The following LIPC variants were observed in gnomAD, a reference collection of about 807,000 sequenced individuals.
LIPC encodes the protein lipase C, hepatic type, also known as hepatic triacylglycerol lipase.
Under a neutral mutation model 50.7 loss-of-function variants are expected in LIPC, and 44 were observed. The ratio of observed to expected loss-of-function variants is 0.87; its 90% confidence interval spans 0.68 to 1.11. The LOEUF (loss-of-function observed/expected upper bound fraction) is 1.11, where lower values mean the gene tolerates loss of function less well. Ranked by LOEUF, LIPC falls within the 50% of genes most tolerant of loss-of-function variation. The pLI is 0.00. For missense variants in LIPC, 697 were observed against 648.2 expected, an observed-to-expected ratio of 1.08 and a Z score of -0.82; for synonymous variants, 271 against 256.4, an observed-to-expected ratio of 1.06 and a Z score of -0.54.
intron 6 of LIPC, among the ~76,000 whole-genome samples, chr15:58,553,260 C>T (rs1402356128): frequency 6.6e-6 from 1 of 152,174 alleles, no homozygotes; most frequent in Non-Finnish European, 1.5e-5. Context: ...CACACACTCC[C>T]CCATCTCCAC....
intron 1 of LIPC, among the ~76,000 whole-genome samples, chr15:58,449,124 G>C (rs547139025): frequency 2.6e-5 from 4 of 152,290 alleles, no homozygotes; most frequent in African/African-American, 9.6e-5. Context: ...TGCTGGGGAG[G>C]CTCCAAGGGC....
chr15:58,469,619 G>A (rs1304823929), intron 1 of LIPC, among the ~76,000 whole-genome samples: 14 of 142,030 alleles, frequency 9.9e-5, no homozygotes, highest in African/African-American at 3.4e-4. Context: ...CAGGCAGATA[G>A]ACAGGTAAGA....
At chr15:58,459,074 G>A (rs1894240003) in intron 1 of LIPC, among the ~76,000 whole-genome samples, 1 of 152,212 alleles carries the variant, frequency 6.6e-6, no homozygotes, top group Non-Finnish European at 1.5e-5. Context: ...CCAAGAGGGA[G>A]AGATGGTAGT....
intron 8 of LIPC, chr15:58,565,203 A>G: frequency 2.0e-6 from 3 of 1,535,694 alleles, no homozygotes; most frequent in Non-Finnish European, 2.6e-6. Context: ...TCAATCTGGG[A>G]AGATTAAACT....
chr15:58,440,341 C>A (rs1246410096), intron 1 of LIPC, among the ~76,000 whole-genome samples: 1 of 152,196 alleles, frequency 6.6e-6, no homozygotes, highest in African/African-American at 2.4e-5. Flanking sequence ...TTGACTAGGA[C>A]TGACCTTTCC....
chr15:58,481,189 G>C (rs1179802088), intron 1 of LIPC, among the ~76,000 whole-genome samples: 3 of 152,166 alleles, frequency 2.0e-5, no homozygotes, highest in Admixed American at 2.0e-4. Context: ...CATTTGTAAG[G>C]AAACTGATAT....
At chr15:58,519,958 G>C (rs1192183205) in intron 1 of LIPC, among the ~76,000 whole-genome samples, 4 of 152,002 alleles carry the variant, frequency 2.6e-5, no homozygotes, top group Non-Finnish European at 5.9e-5. Flanking sequence ...CTTCTCTTTT[G>C]AAACTGGCCG....
chr15:58,458,693 CCT>C (rs1335013417), intron 1 of LIPC, among the ~76,000 whole-genome samples: 1 of 152,140 alleles, frequency 6.6e-6, no homozygotes, highest in Non-Finnish European at 1.5e-5. Context: ...CAAAGAACTC[CCT>C]GTTTCTCAGC....
chr15:58,510,674 C>T (rs1892300584), intron 1 of LIPC, among the ~76,000 whole-genome samples: 2 of 152,190 alleles, frequency 1.3e-5, no homozygotes, highest in Non-Finnish European at 2.9e-5. Context: ...GGCACTGTGA[C>T]CAATTCACAT....
intron 2 of LIPC, among the ~76,000 whole-genome samples, chr15:58,540,973 G>A (rs1893298193): frequency 6.6e-6 from 1 of 151,924 alleles, no homozygotes; most frequent in Admixed American, 6.6e-5. Flanking sequence ...GCTAACTTTT[G>A]TATTTTTTGT....
chr15:58,558,071 CT>C lies in LIPC; in HGVS notation c.1052-2780del, dbSNP rs56254789. ...CAGGACTTGCGCCTATAGCTCTTTT[CT>C]TTTTTTTTTTTTCTTTTTTGAGACA... On this transcript the variant is annotated intron_variant, in intron 6 of 8. Coordinates refer to ENST00000299022, the MANE Select transcript of LIPC (RefSeq NM_000236.3). Among the ~76,000 whole-genome samples the C allele has an allele frequency of 4.5e-4, 66 of 147,722 alleles. No individual in the cohort carries two copies. In the Middle Eastern group the frequency reaches 0.01, roughly 23 times the overall value.
Position 58,469,433 on chromosome 15 carries a change from T to C in LIPC, c.88+37313T>C, listed in dbSNP as rs778615225. ...AAAGGAAGAAAATCAGCTTTTCTCC[T>C]CTTCCTCAGTGTGGGAGAGGGGATT... On this transcript the variant is annotated intron_variant, in intron 1 of 8. Transcript: ENST00000299022. 3.9e-5 allele frequency among the ~76,000 whole-genome samples: 6 copies of C among 152,218 alleles called. No homozygotes were observed. The South Asian group carries it at 6.2e-4, about 16-fold the overall frequency.
At chr15:58,466,518 T>G (rs1894570428) in intron 1 of LIPC, among the ~76,000 whole-genome samples, 5 of 152,238 alleles carry the variant, frequency 3.3e-5, no homozygotes. Flanking sequence ...TTCTTTATTC[T>G]AAGGATGTAT....
chr15:58,456,347 T>C (rs1894113471), intron 1 of LIPC: 1 of 152,260 alleles, frequency 6.6e-6, no homozygotes, highest in Non-Finnish European at 1.5e-5. Flanking sequence ...CTCTGTGTGA[T>C]AGTATGATAG....
At position 58,509,908 on chromosome 15, in the gene LIPC, A is replaced by T. The variant is rs1397020207; in HGVS notation, c.89-28425A>T. ...GTTGTTATAACTGGTATCACCAATT[A>T]AAAAATTTTATAAGAAAGGGGTTTT... On this transcript the variant is annotated intron_variant, in intron 1 of 8. Transcript: ENST00000299022. 2.0e-5 allele frequency among the ~76,000 whole-genome samples: 3 copies of T among 152,138 alleles called. No homozygotes were observed. The South Asian group carries it at 6.2e-4, about 31-fold the overall frequency.
intron 1 of LIPC, among the ~76,000 whole-genome samples, chr15:58,507,260 G>C (rs1339637297): frequency 6.6e-6 from 1 of 151,704 alleles, no homozygotes; most frequent in Non-Finnish European, 1.5e-5. Context: ...AAGCAAAAGA[G>C]AAATATACTT....
At chr15:58,476,892 C>G (rs75231074) in intron 1 of LIPC, among the ~76,000 whole-genome samples, 2 of 152,198 alleles carry the variant, frequency 1.3e-5, no homozygotes, top group African/African-American at 4.8e-5. Context: ...TTTGCCTGTG[C>G]GTTTCTGTCG....
chr15:58,454,590 A>C (rs765869394), intron 1 of LIPC: 4 of 152,206 alleles, frequency 2.6e-5, no homozygotes, highest in Non-Finnish European at 5.9e-5. Flanking sequence ...GTGGAAGTTC[A>C]TGGTTTTACT....
intron 1 of LIPC, among the ~76,000 whole-genome samples, chr15:58,463,918 C>T (rs1413829301): frequency 2.6e-5 from 4 of 151,780 alleles, no homozygotes; most frequent in South Asian, 2.1e-4. Context: ...ACTTCTGACC[C>T]GAAAAGCAAA....
Sources: allele counts gnomAD v4.1 joint callset (sites outside exome capture counted in the v4.1 genomes callset), GRCh38; gene constraint gnomAD v4.1.1; transcripts MANE v1.5; gene names NCBI Gene and HGNC (gene_info 2026-07-23, HGNC 2026-07-21).